The following FRMD4A variants were observed in gnomAD, a reference collection of about 807,000 sequenced individuals.
FRMD4A encodes FERM domain containing 4A, also known as FERM domain-containing protein 4A.
Under a neutral mutation model 129.1 loss-of-function variants are expected in FRMD4A, and 29 were observed. That is an observed-to-expected ratio of 0.22 (90% CI 0.17 to 0.31). The LOEUF (loss-of-function observed/expected upper bound fraction) is 0.31, where lower values mean the gene tolerates loss of function less well. Among genes scored for constraint, FRMD4A ranks in the 10% least tolerant of loss-of-function variants. The pLI is 1.00. For synonymous variants in FRMD4A, 634 were observed against 571.6 expected (o/e 1.11, Z -1.56); for missense variants, 1,272 against 1,375.8 (o/e 0.92, Z 1.19).
intron 12 of FRMD4A, among the ~76,000 whole-genome samples, chr10:13,715,374 G>T (rs7921480): frequency 0.61 from 92,905 of 152,018 alleles, 28,674 homozygotes; most frequent in East Asian, 0.84. Flanking sequence ...AGTAGCTTGA[G>T]TTAAACATTT....
intron 2 of FRMD4A, among the ~76,000 whole-genome samples, chr10:13,945,785 A>T (rs765972072): frequency 2.6e-5 from 4 of 152,160 alleles, no homozygotes; most frequent in African/African-American, 4.8e-5. Flanking sequence ...AAACAGTGAG[A>T]GGGAACTATG....
chr10:14,017,439 G>A (rs73591211), intron 2 of FRMD4A, among the ~76,000 whole-genome samples: 3,320 of 152,230 alleles, frequency 0.022, 124 homozygotes, highest in African/African-American at 0.076. Flanking sequence ...CCCAGGATTC[G>A]CTGAATATAT....
At chr10:13,807,218 T>G (rs987575446) in intron 4 of FRMD4A, among the ~76,000 whole-genome samples, 6 of 152,224 alleles carry the variant, frequency 3.9e-5, no homozygotes, top group African/African-American at 1.4e-4. Context: ...AGATAATTTA[T>G]ATAGATGACC....
rs1218420 is a variant in FRMD4A at position 14,315,659 on chromosome 10, T to A, written c.45+14399A>T. Among the ~76,000 whole-genome samples the A allele has an allele frequency of 5.6e-3, 847 of 152,356 alleles. 9 individuals carry two copies. Among genetic ancestry groups the A allele is most frequent in the African/African-American group, 0.019 (799 of 41,578 alleles). Reference sequence around the variant, plus strand: ...CTCCTCAGCAGAGTATTGTGCTTCATCTTCTGATTTTTCCTCCATTTTTGC... The same window carrying A: ...CTCCTCAGCAGAGTATTGTGCTTCAACTTCTGATTTTTCCTCCATTTTTGC... On this transcript the variant is annotated intron_variant, in intron 2 of 24. Coordinates refer to ENST00000357447, the MANE Select transcript of FRMD4A (RefSeq NM_018027.5).
chr10:14,316,184 T>C (rs962105371), intron 2 of FRMD4A, among the ~76,000 whole-genome samples: 1 of 152,206 alleles, frequency 6.6e-6, no homozygotes, highest in Non-Finnish European at 1.5e-5. Flanking sequence ...ATCCCAGGTG[T>C]TGTGGTTTGA....
intron 9 of FRMD4A, among the ~76,000 whole-genome samples, chr10:13,742,363 C>T (rs965965219): frequency 2.6e-5 from 4 of 152,132 alleles, no homozygotes; most frequent in Admixed American, 2.6e-4. Context: ...GGTGTGGAGT[C>T]GACACCTCGG....
At chr10:13,786,367 G>A (rs1008462089) in intron 5 of FRMD4A, among the ~76,000 whole-genome samples, 2 of 152,220 alleles carry the variant, frequency 1.3e-5, no homozygotes, top group East Asian at 3.8e-4. Flanking sequence ...CACTTTGGGA[G>A]GCCAAGATGT....
chr10:13,650,328 G>A (rs1176253837), intron 24 of FRMD4A, among the ~76,000 whole-genome samples: 4 of 152,158 alleles, frequency 2.6e-5, no homozygotes, highest in Non-Finnish European at 5.9e-5. Flanking sequence ...GCCCTCTAGA[G>A]GCATCCTGTC....
At chr10:14,156,924 G>C (rs1347171348) in intron 2 of FRMD4A, among the ~76,000 whole-genome samples, 1 of 152,176 alleles carries the variant, frequency 6.6e-6, no homozygotes, top group Non-Finnish European at 1.5e-5. Context: ...AAATAGACTT[G>C]CCAGAAATCT....
At chr10:14,141,565 C>T (rs1839836041) in intron 2 of FRMD4A, among the ~76,000 whole-genome samples, 1 of 122,354 alleles carries the variant, frequency 8.2e-6, no homozygotes, top group Non-Finnish European at 1.7e-5. Flanking sequence ...CACCTTCTGC[C>T]CCTAACCCCT....
intron 2 of FRMD4A, among the ~76,000 whole-genome samples, chr10:14,134,003 C>T (rs561510235): frequency 6.6e-6 from 1 of 152,140 alleles, no homozygotes; most frequent in South Asian, 2.1e-4. Context: ...TCTTGTGAAG[C>T]CTCTGAGTCT....
At chr10:13,766,605 G>A (rs8181337) in intron 6 of FRMD4A, among the ~76,000 whole-genome samples, 35,439 of 152,044 alleles carry the variant, frequency 0.23, 4,224 homozygotes, top group Middle Eastern at 0.38. Context: ...CCAATCTAGG[G>A]TGGTGGGAAG....
At chr10:13,734,348 C>A (rs117949974) in intron 12 of FRMD4A, among the ~76,000 whole-genome samples, 1 of 152,306 alleles carries the variant, frequency 6.6e-6, no homozygotes, top group East Asian at 1.9e-4. Flanking sequence ...CAATGGAAAT[C>A]TGACACTATA....
chr10:13,802,550 C>G (rs1214478484), intron 4 of FRMD4A, among the ~76,000 whole-genome samples: 2 of 152,148 alleles, frequency 1.3e-5, no homozygotes, highest in Non-Finnish European at 2.9e-5. Flanking sequence ...CTGCTGGGCT[C>G]AAGCGATCCT....
intron 2 of FRMD4A, among the ~76,000 whole-genome samples, chr10:14,141,462 T>TA (rs1367460093): frequency 1.3e-5 from 2 of 152,296 alleles, no homozygotes; most frequent in Non-Finnish European, 2.9e-5. Flanking sequence ...TGTGACATCA[T>TA]GCAATGTCAT....
At chr10:14,202,665 T>C (rs2131942160) in intron 2 of FRMD4A, among the ~76,000 whole-genome samples, 1 of 152,280 alleles carries the variant, frequency 6.6e-6, no homozygotes, top group African/African-American at 2.4e-5. Flanking sequence ...CCTCCCAAAG[T>C]GCTGGGATTA....
At chr10:14,189,202 A>G (rs1777927830) in intron 2 of FRMD4A, among the ~76,000 whole-genome samples, 2 of 152,184 alleles carry the variant, frequency 1.3e-5, no homozygotes, top group Non-Finnish European at 2.9e-5. Flanking sequence ...ACATGCCTAC[A>G]TCATTGGCAA....
At chr10:13,757,051 T>C (rs2091894719) in intron 8 of FRMD4A, among the ~76,000 whole-genome samples, 2 of 152,208 alleles carry the variant, frequency 1.3e-5, no homozygotes, top group African/African-American at 2.4e-5. Flanking sequence ...CTGTTTACGA[T>C]GAATAAAGTA....
At chr10:14,329,900 G>C (rs537845863) in intron 2 of FRMD4A, among the ~76,000 whole-genome samples, 158 bp downstream of exon 2, 2 of 152,298 alleles carry the variant, frequency 1.3e-5, no homozygotes, top group Non-Finnish European at 2.9e-5. Context: ...TTGTCATGCT[G>C]ATACTCTGAC....
Sources: allele counts gnomAD v4.1 joint callset (sites outside exome capture counted in the v4.1 genomes callset), GRCh38; gene constraint gnomAD v4.1.1; transcripts MANE v1.5; gene names NCBI Gene and HGNC (gene_info 2026-07-23, HGNC 2026-07-21).